Variants in LGR6 observed in about 807,000 individuals in gnomAD.
LGR6 encodes leucine rich repeat containing G protein-coupled receptor 6.
In LGR6, 45 loss-of-function variants were observed where a neutral mutation model predicts 69.4. That is an observed-to-expected ratio of 0.65 (90% CI 0.51 to 0.83). LGR6 has a LOEUF of 0.83. Among genes scored for constraint, LGR6 ranks in the 40% least tolerant of loss-of-function variants. The probability of loss-of-function intolerance (pLI) is 0.00; values close to 1 mark genes in which losing one functional copy is unlikely to be tolerated. For missense variants in LGR6, 1,108 were observed against 1,246.7 expected, an observed-to-expected ratio of 0.89 and a Z score of 1.68; for synonymous variants, 538 against 555.0, an observed-to-expected ratio of 0.97 and a Z score of 0.43.
intron 16 of LGR6, among the ~76,000 whole-genome samples, chr1:202,311,713 A>G (rs1006968950): frequency 1.3e-5 from 2 of 152,238 alleles, no homozygotes; most frequent in Non-Finnish European, 1.5e-5. Context: ...GATAGCTCAT[A>G]GGCTGTTGGG....
At chr1:202,265,490 G>A (rs904522686) in intron 4 of LGR6, among the ~76,000 whole-genome samples, 1 of 152,252 alleles carries the variant, frequency 6.6e-6, no homozygotes, top group African/African-American at 2.4e-5. Flanking sequence ...GACCTGGGAA[G>A]TGTCTCTGGG....
Position 202,319,086 on chromosome 1 carries a change from C to T in LGR6, c.2783C>T (p.Pro928Leu), listed in dbSNP as rs1483634886. The T allele has an allele frequency of 1.2e-6, 2 of 1,614,152 alleles. No individual in the cohort carries two copies. The highest frequency in any genetic ancestry group is 1.7e-6 in the Non-Finnish European group (2 of 1,180,018). ...CCAGAGGGGAACCACTTTGGGAACC[C>T]CCAACCCTCCATGGATGGAGAACTG... is the stretch of plus-strand genomic sequence containing the variant. ...VEPEGNHFGN[P>L]QPSMDGELLL... Residue 928 changes from proline to leucine, a missense_variant, in exon 18 of 18, where the codon CCC (proline) becomes CTC (leucine). Transcript: ENST00000367278.
intron 3 of LGR6, among the ~76,000 whole-genome samples, chr1:202,231,376 C>T (rs1314983303): frequency 1.3e-5 from 2 of 152,312 alleles, no homozygotes; most frequent in East Asian, 1.9e-4. Context: ...GCCTCACCAA[C>T]CTGGCTCGGG....
Position 202,318,408 on chromosome 1 carries a change from C to T in LGR6, c.2105C>T (p.Ala702Val), listed in dbSNP as rs1195305981. The T allele has an allele frequency of 4.4e-6, 7 of 1,607,044 alleles. No individual in the cohort carries two copies. The highest frequency in any genetic ancestry group is 1.3e-5 in the African/African-American group (1 of 75,020). Residue 702 changes from alanine (A) to valine (V), a missense_variant, in exon 18 of 18, where the codon GCG (alanine) becomes GTG (valine). Transcript: ENST00000367278. ...CTGGCACTGGCAGGGCTGGCCGCCG[C>T]GCTGCCCCTGGCCTCAGTGGGAGAA... ...GCLALAGLAA[A>V]LPLASVGEYG...
intron 4 of LGR6, among the ~76,000 whole-genome samples, chr1:202,270,579 T>G (rs1448392178): frequency 6.6e-6 from 1 of 152,178 alleles, no homozygotes; most frequent in African/African-American, 2.4e-5. Context: ...CCACTGCCTT[T>G]GGGCATTTCT....
At chr1:202,244,812 G>C (rs1662511406) in intron 4 of LGR6, among the ~76,000 whole-genome samples, 1 of 152,192 alleles carries the variant, frequency 6.6e-6, no homozygotes, top group African/African-American at 2.4e-5. Flanking sequence ...GACCCTGTGA[G>C]AGAGCACTTG....
chr1:202,223,166 C>T lies in LGR6; in HGVS notation c.213-2257C>T, dbSNP rs115336376. 8.0e-3 allele frequency among the ~76,000 whole-genome samples: 1,225 copies of T among 152,302 alleles called. 18 individuals carry two copies. The highest frequency in any genetic ancestry group is 0.025 in the African/African-American group (1,048 of 41,554). On this transcript the variant is annotated intron_variant, in intron 1 of 17. Coordinates refer to ENST00000367278, the MANE Select transcript of LGR6 (RefSeq NM_001017403.2). ...CTCCCACCTGAAACTATGGCCACAG[C>T]ACACCACCTACAGCTTCTGCGGATC...
chr1:202,204,325 T>C (rs1571805332), intron 1 of LGR6, among the ~76,000 whole-genome samples: 1 of 73,606 alleles, frequency 1.4e-5, no homozygotes, highest in Non-Finnish European at 2.5e-5. Context: ...ACACACCTCC[T>C]CCTAACACAC....
intron 5 of LGR6, among the ~76,000 whole-genome samples, chr1:202,279,277 A>G (rs1177543103): frequency 6.6e-6 from 1 of 152,212 alleles, no homozygotes; most frequent in Non-Finnish European, 1.5e-5. Context: ...TGGGGACAGG[A>G]GTCTGTCTCC....
At chr1:202,238,963 C>A (rs1036702242) in intron 4 of LGR6, among the ~76,000 whole-genome samples, 1 of 152,150 alleles carries the variant, frequency 6.6e-6, no homozygotes, top group African/African-American at 2.4e-5. Context: ...TGGGTGCCGG[C>A]GGGCTGAGGC....
chr1:202,314,903 T>C, intron 17 of LGR6, 21 bp downstream of exon 17: 1 of 1,592,820 alleles, frequency 6.3e-7, no homozygotes, highest in Non-Finnish European at 8.6e-7. Flanking sequence ...GTCTGGGGAA[T>C]GGGGACGAGG....
At chr1:202,248,879 G>A (rs1156848677) in intron 4 of LGR6, among the ~76,000 whole-genome samples, 1 of 152,170 alleles carries the variant, frequency 6.6e-6, no homozygotes, top group African/African-American at 2.4e-5. Flanking sequence ...TGGGGCTGGA[G>A]GCCACAGAGG....
intron 1 of LGR6, among the ~76,000 whole-genome samples, chr1:202,217,775 C>T (rs1381825991): frequency 1.3e-5 from 2 of 152,178 alleles, no homozygotes; most frequent in African/African-American, 4.8e-5. Context: ...GGGAGACATT[C>T]CTTTTACCAA....
rs187652294 is a variant in LGR6, at chr1:202,307,625, G to A, written c.1280+224G>A. ...CTGGAACATCATCTGCTAATGTTCTGCAGTATTTTGGCAGCCTCAGCCCTC... is the reference window on the plus strand; with the variant it reads ...CTGGAACATCATCTGCTAATGTTCTACAGTATTTTGGCAGCCTCAGCCCTC... On this transcript the variant is annotated intron_variant, in intron 14 of 17. Transcript: ENST00000367278. Among the ~76,000 whole-genome samples the A allele has an allele frequency of 7.2e-5, 11 of 152,300 alleles. No individual in the cohort carries two copies. The South Asian group carries it at 8.3e-4, about 11-fold the overall frequency.
chr1:202,212,581 C>G (rs1659504202), intron 1 of LGR6, among the ~76,000 whole-genome samples: 1 of 152,210 alleles, frequency 6.6e-6, no homozygotes, highest in Non-Finnish European at 1.5e-5. Context: ...GTTACCACAT[C>G]ACTCCAATCT....
chr1:202,245,080 C>A (rs78086354), intron 4 of LGR6, among the ~76,000 whole-genome samples: 1 of 152,214 alleles, frequency 6.6e-6, no homozygotes, highest in African/African-American at 2.4e-5. Flanking sequence ...ATCTAGTGAA[C>A]CCTGTTGGCA....
chr1:202,265,114 A>C (rs183083195), intron 4 of LGR6, among the ~76,000 whole-genome samples: 54 of 151,810 alleles, frequency 3.6e-4, no homozygotes, highest in African/African-American at 1.2e-3. Context: ...TCTAGCTCCC[A>C]CCTCCCCTCT....
chr1:202,230,066 C>T (rs1424032099), intron 3 of LGR6, among the ~76,000 whole-genome samples: 2 of 152,106 alleles, frequency 1.3e-5, no homozygotes, highest in Admixed American at 6.5e-5. Context: ...TTAGCTACTC[C>T]CCAGTCTTCT....
chr1:202,264,729 C>G (rs953536749), intron 4 of LGR6, among the ~76,000 whole-genome samples: 1 of 152,196 alleles, frequency 6.6e-6, no homozygotes, highest in Non-Finnish European at 1.5e-5. Flanking sequence ...TTCCCTGTCT[C>G]CCTCCTGGAG....
Sources: allele counts gnomAD v4.1 joint callset (sites outside exome capture counted in the v4.1 genomes callset), GRCh38; gene constraint gnomAD v4.1.1; transcripts MANE v1.5; gene names NCBI Gene and HGNC (gene_info 2026-07-23, HGNC 2026-07-21).